Variants in SLCO1B1 observed in about 807,000 individuals in gnomAD.
SLCO1B1 encodes the protein solute carrier organic anion transporter family member 1B1, also known as OATP-2.
A neutral mutation model predicts 70.1 loss-of-function variants in SLCO1B1; 81 were observed. The ratio of observed to expected loss-of-function variants is 1.16; its 90% CI spans 0.97 to 1.39. SLCO1B1 has a LOEUF of 1.39. Ranked by LOEUF, SLCO1B1 falls within the 40% of genes most tolerant of loss-of-function variation. The pLI is 0.00. For synonymous variants in SLCO1B1, 283 were observed against 271.5 expected, an observed-to-expected ratio of 1.04 and a Z score of -0.42; for missense variants, 895 against 799.6, an observed-to-expected ratio of 1.12 and a Z score of -1.44.
chr12:21,161,341 A>G (rs993890360), intron 2 of SLCO1B1, among the ~76,000 whole-genome samples: 2 of 152,242 alleles, frequency 1.3e-5, no homozygotes, highest in African/African-American at 4.8e-5. Flanking sequence ...ATAAAAGAAC[A>G]AGATCATGTC....
At chr12:21,132,289 TA>T (rs1940148452) in intron 1 of SLCO1B1, among the ~76,000 whole-genome samples, 1 of 152,220 alleles carries the variant, frequency 6.6e-6, no homozygotes. Flanking sequence ...AGTGCCGCTA[TA>T]AACATACGTG....
chr12:21,151,512 A>G (rs1253208987), intron 2 of SLCO1B1, among the ~76,000 whole-genome samples: 1 of 152,160 alleles, frequency 6.6e-6, no homozygotes, highest in Admixed American at 6.5e-5. Flanking sequence ...CAAATACATT[A>G]TAGATATTAT....
rs920404871 is a variant in SLCO1B1 at position 21,136,720 on chromosome 12, T to C, written c.-61-4794T>C. Among the ~76,000 whole-genome samples the C allele has an allele frequency of 2.0e-5, 3 of 152,220 alleles. No individual in the cohort carries two copies. In the East Asian group the frequency reaches 5.8e-4, roughly 29 times the overall value. ...AACTTCTCTGCATTGGTTATTCTAG[T>C]TATCCATTTGTCTGATTTTTTTTCA... On this transcript the variant is annotated intron_variant, in intron 1 of 14. Coordinates refer to ENST00000256958, the MANE Select transcript of SLCO1B1 (RefSeq NM_006446.5).
At chr12:21,200,428 G>A (rs377526914) in intron 8 of SLCO1B1, 80 bp from the exon 9 acceptor site, 2 of 890,064 alleles carry the variant, frequency 2.2e-6, no homozygotes, top group South Asian at 2.0e-5. Context: ...AATCTTACAT[G>A]ACTTACGTTC....
At chr12:21,234,279 C>T (rs1192818452) in intron 14 of SLCO1B1, among the ~76,000 whole-genome samples, 1 of 152,060 alleles carries the variant, frequency 6.6e-6, no homozygotes, top group African/African-American at 2.4e-5. Context: ...GTGGTGTGAG[C>T]TCATCTGTGA....
intron 7 of SLCO1B1, among the ~76,000 whole-genome samples, chr12:21,192,420 G>A (rs1941040722): frequency 6.6e-6 from 1 of 151,046 alleles, no homozygotes; most frequent in African/African-American, 2.4e-5. Context: ...TATTTTTCTA[G>A]CATCAATTAA....
At position 21,202,542 on chromosome 12, in the gene SLCO1B1, T is replaced by A. The variant is rs773721445; in HGVS notation, c.1187T>A (p.Ile396Asn). 1 of 1,612,146 alleles carries A rather than the reference T, an allele frequency of 6.2e-7. No individual in the cohort carries two copies. The highest frequency in any genetic ancestry group is 8.5e-7 in the Non-Finnish European group (1 of 1,179,060). ...AGTGGAATGTTTTTAGGAGGATATA[T>A]CATTAAAAAATTCAAACTGAACACC... ...FASGMFLGGY[I>N]IKKFKLNTVG... The change falls in exon 10 of 15, where the codon ATC becomes AAC. Residue 396 changes from isoleucine to asparagine, a missense_variant. Physicochemically the swap from Ile to Asn is moderately radical, Grantham distance 149. Coordinates refer to ENST00000256958, the MANE Select transcript of SLCO1B1 (RefSeq NM_006446.5).
chr12:21,210,718 T>C (rs1254740062), intron 11 of SLCO1B1, among the ~76,000 whole-genome samples: 4 of 148,610 alleles, frequency 2.7e-5, no homozygotes, highest in East Asian at 2.1e-4. Context: ...CATTTGTTTG[T>C]ATCCTCTTTT....
chr12:21,152,877 A>G (rs539496231), intron 2 of SLCO1B1, among the ~76,000 whole-genome samples: 11 of 152,302 alleles, frequency 7.2e-5, no homozygotes, highest in African/African-American at 1.9e-4. Flanking sequence ...AACATTTACT[A>G]TAAGAACCTG....
intron 12 of SLCO1B1, among the ~76,000 whole-genome samples, chr12:21,217,569 T>G (rs1290924246): frequency 6.6e-6 from 1 of 152,150 alleles, no homozygotes; most frequent in Non-Finnish European, 1.5e-5. Flanking sequence ...ATTCTCTCAG[T>G]TGTAAAAGAA....
intron 7 of SLCO1B1, among the ~76,000 whole-genome samples, chr12:21,180,080 T>C (rs776040378): frequency 1.3e-5 from 2 of 152,164 alleles, no homozygotes; most frequent in African/African-American, 4.8e-5. Flanking sequence ...TTTGCGTTAA[T>C]TGATATTTCC....
chr12:21,134,084 A>T (rs1406623204), intron 1 of SLCO1B1, among the ~76,000 whole-genome samples: 3 of 152,152 alleles, frequency 2.0e-5, no homozygotes, highest in African/African-American at 7.2e-5. Flanking sequence ...GCATCTATTG[A>T]GATGATCATG....
At chr12:21,229,810 AACAAAG>A (rs1247573623) in intron 14 of SLCO1B1, among the ~76,000 whole-genome samples, 1 of 152,198 alleles carries the variant, frequency 6.6e-6, no homozygotes, top group Non-Finnish European at 1.5e-5. Flanking sequence ...TCATATTGCA[AACAAAG>A]ACAATTTCTT....
rs71043249 is a variant in SLCO1B1 at position 21,148,695 on chromosome 12, C to CT, written c.84+7057dup. Among the ~76,000 whole-genome samples the CT allele has an allele frequency of 5.6e-3, 561 of 100,146 alleles. 7 individuals are homozygous for CT. The highest frequency in any genetic ancestry group is 0.032 in the East Asian group (107 of 3,330). The allele number at this position is 100,146 out of a possible 152,430, so 65.7% of individuals were successfully genotyped here. Reference sequence around the variant, plus strand: ...CTTAGGATTGTCTTGGCTATATGGGCTTTTTTTTTTTTTTTTTTTTGGTTC... The same window carrying CT: ...CTTAGGATTGTCTTGGCTATATGGGCTTTTTTTTTTTTTTTTTTTTTGGTTC... On this transcript the variant is annotated intron_variant, in intron 2 of 14. Transcript: ENST00000256958.
chr12:21,238,070 C>T (rs1013421129), intron 14 of SLCO1B1, among the ~76,000 whole-genome samples: 1 of 152,080 alleles, frequency 6.6e-6, no homozygotes, highest in African/African-American at 2.4e-5. Flanking sequence ...TTCCTTCTAA[C>T]CTTTCCATTA....
At chr12:21,207,776 C>A (rs1396466528) in intron 11 of SLCO1B1, among the ~76,000 whole-genome samples, 1 of 151,926 alleles carries the variant, frequency 6.6e-6, no homozygotes, top group African/African-American at 2.4e-5. Flanking sequence ...GATAAGCATT[C>A]CCTTTCTTCT....
chr12:21,218,897 A>G (rs1046854427), intron 12 of SLCO1B1, among the ~76,000 whole-genome samples: 1 of 152,234 alleles, frequency 6.6e-6, no homozygotes, highest in Non-Finnish European at 1.5e-5. Context: ...CAGAATAAAA[A>G]TATAAATTTC....
chr12:21,141,674 T>A lies in SLCO1B1; in HGVS notation c.84+16T>A, dbSNP rs1361718207. On this transcript the variant is annotated intron_variant, in intron 2 of 14. Coordinates refer to ENST00000256958, the MANE Select transcript of SLCO1B1 (RefSeq NM_006446.5). ...TGGATTGAAGGTAGAATAAGTTTTA[T>A]GTTTTTGAGCTAAAATAAGTAAATA... 2 of 1,538,584 alleles carry A rather than the reference T, an allele frequency of 1.3e-6. No individual in the cohort carries two copies. The highest frequency in any genetic ancestry group is 3.4e-5 in the Admixed American group (2 of 59,370).
chr12:21,177,088 G>A lies in SLCO1B1; in HGVS notation c.481+191G>A, dbSNP rs4149046. On this transcript the variant is annotated intron_variant, in intron 5 of 14. Coordinates refer to ENST00000256958, the MANE Select transcript of SLCO1B1 (RefSeq NM_006446.5). The stretch of plus-strand genomic sequence containing the variant: ...TTAACAACACAGGTTTAAACTACGC[G>A]TTTTCACTTCTATGCAAATTTTGTC... Among the ~76,000 whole-genome samples the A allele has an allele frequency of 0.36, 54,694 of 151,966 alleles. 11,918 individuals carry two copies. The highest frequency in any genetic ancestry group is 0.49 in the Non-Finnish European group (33,044 of 67,904).
Sources: gnomAD v4.1 joint callset for allele counts (sites outside exome capture counted in the v4.1 genomes callset) on GRCh38, gnomAD v4.1.1 for gene constraint, MANE v1.5 for transcripts, NCBI Gene and HGNC (gene_info 2026-07-23, HGNC 2026-07-21) for gene names.